GC: variants seen among roughly 807,000 people sequenced by gnomAD.
The protein encoded by GC is GC vitamin D binding protein, also known as vitamin D-binding protein.
GC carries 43 observed loss-of-function variants against 56.7 expected under a neutral mutation model. The observed-to-expected ratio is 0.76, with a 90% CI of 0.59 to 0.98. The LOEUF is 0.98. Ranked by LOEUF, GC falls within the 50% of genes least tolerant of loss-of-function variation. The pLI, the probability that GC is intolerant of heterozygous loss-of-function variation, is 0.00. For missense variants in GC, 529 were observed against 545.9 expected, an observed-to-expected ratio of 0.97 and a Z score of 0.31; for synonymous variants, 216 against 202.7, an observed-to-expected ratio of 1.07 and a Z score of -0.56.
chr4:71,753,357 G>C (rs1001729387), intron 10 of GC, among the ~76,000 whole-genome samples: 2 of 152,002 alleles, frequency 1.3e-5, no homozygotes, highest in Admixed American at 1.3e-4. Flanking sequence ...GTTGGGCTTG[G>C]CAAGAGTGGA....
intron 12 of GC, 138 bp from the exon 13 acceptor site, chr4:71,742,008 A>G: frequency 1.5e-6 from 1 of 655,792 alleles, no homozygotes; most frequent in East Asian, 2.7e-5. Flanking sequence ...AGGATGACCC[A>G]TATATCCACT....
At chr4:71,764,008 T>A in intron 4 of GC, 72 bp from the exon 5 acceptor site, 1 of 1,153,452 alleles carries the variant, frequency 8.7e-7, no homozygotes, top group Non-Finnish European at 1.3e-6. Flanking sequence ...TTTGAGACAG[T>A]GTCTTGCCCT....
intron 1 of GC, among the ~76,000 whole-genome samples, chr4:71,792,738 G>A (rs1440775685): frequency 6.6e-6 from 1 of 152,106 alleles, no homozygotes; most frequent in African/African-American, 2.4e-5. Flanking sequence ...CCTTGCCCAT[G>A]CCTATGGTCT....
intron 3 of GC, among the ~76,000 whole-genome samples, chr4:71,767,257 C>A (rs903444434): frequency 3.3e-5 from 5 of 152,134 alleles, no homozygotes; most frequent in African/African-American, 9.7e-5. Flanking sequence ...AACAGTGAGA[C>A]AAATCTGTCT....
At chr4:71,755,829 T>C (rs553747111) in intron 8 of GC, among the ~76,000 whole-genome samples, 1 of 152,340 alleles carries the variant, frequency 6.6e-6, no homozygotes, top group East Asian at 1.9e-4. Flanking sequence ...ACCCCACTGC[T>C]GTCTATGCAC....
intron 2 of GC, among the ~76,000 whole-genome samples, chr4:71,768,879 T>C (rs985467218): frequency 3.3e-5 from 5 of 152,222 alleles, no homozygotes; most frequent in Admixed American, 6.5e-5. Context: ...AAAATGAGGT[T>C]TAATTTAAAA....
At chr4:71,783,929 C>T (rs1742764328) in intron 1 of GC, 32 bp downstream of exon 1, 1 of 1,521,952 alleles carries the variant, frequency 6.6e-7, no homozygotes, top group African/African-American at 1.4e-5. Context: ...AGTAAGAATT[C>T]CTGTAAATGG....
At chr4:71,792,512 T>A (rs371893734) in intron 1 of GC, among the ~76,000 whole-genome samples, 3 of 151,892 alleles carry the variant, frequency 2.0e-5, no homozygotes, top group East Asian at 3.9e-4. Context: ...GGGCTCTTTG[T>A]TTTTTTTCTT....
At chr4:71,775,007 T>C (rs1213081684) in intron 1 of GC, among the ~76,000 whole-genome samples, 1 of 149,406 alleles carries the variant, frequency 6.7e-6, no homozygotes, top group African/African-American at 2.5e-5. Flanking sequence ...AAAGTCATTC[T>C]TATTCTTCAT....
At chr4:71,755,176 T>TTATTTATG (rs1197877821) in intron 8 of GC, 69 bp from the exon 9 acceptor site, 2 of 781,102 alleles carry the variant, frequency 2.6e-6, no homozygotes, top group African/African-American at 3.7e-5. Context: ...ATTTATTTAT[T>TTATTTATG]TTTTGTGACA....
At chr4:71,750,852 T>G (rs916571711) in intron 11 of GC, among the ~76,000 whole-genome samples, 1 of 151,896 alleles carries the variant, frequency 6.6e-6, no homozygotes, top group Non-Finnish European at 1.5e-5. Flanking sequence ...ACCACTGCAC[T>G]CCAGCCTGGG....
intron 8 of GC, among the ~76,000 whole-genome samples, chr4:71,755,648 T>C (rs866697176): frequency 6.6e-6 from 1 of 152,188 alleles, no homozygotes; most frequent in South Asian, 2.1e-4. Context: ...ATTAAAGCTT[T>C]GCATGTAATA....
Position 71,757,681 on chromosome 4 carries a change from T to A in GC, c.831+361A>T, listed in dbSNP as rs944084479. Among the ~76,000 whole-genome samples, 8 of 152,324 alleles carry A rather than the reference T, an allele frequency of 5.3e-5. 1 individual carries two copies. The highest frequency in any genetic ancestry group is 4.1e-4 in the South Asian group (2 of 4,820). ...TTAGTGTAACTGAAGAACTGAATTT[T>A]AAATCATATTCAACTTAAACATATA... On this transcript the variant is annotated intron_variant, in intron 7 of 12. Transcript: ENST00000273951.
chr4:71,764,689 A>G (rs1198947309), intron 4 of GC, among the ~76,000 whole-genome samples: 1 of 152,158 alleles, frequency 6.6e-6, no homozygotes, highest in East Asian at 1.9e-4. Flanking sequence ...GTCCTTATGG[A>G]TCTAAAAGGG....
chr4:71,752,310 T>A (rs1741581546), intron 11 of GC, among the ~76,000 whole-genome samples: 1 of 152,244 alleles, frequency 6.6e-6, no homozygotes, highest in Admixed American at 6.5e-5. Context: ...TCCTAAGTTT[T>A]ACAACTACCT....
intron 1 of GC, among the ~76,000 whole-genome samples, chr4:71,799,831 T>G (rs1743207431): frequency 6.6e-6 from 1 of 152,160 alleles, no homozygotes; most frequent in Non-Finnish European, 1.5e-5. Context: ...ATTGGAGATG[T>G]AGTCTAAGCC....
chr4:71,742,479 T>C (rs1240781158), intron 12 of GC, among the ~76,000 whole-genome samples: 1 of 152,178 alleles, frequency 6.6e-6, no homozygotes, highest in East Asian at 1.9e-4. Context: ...ACGAATCTGT[T>C]CCCTCACAGC....
chr4:71,797,445 A>G (rs1743133458), intron 1 of GC, among the ~76,000 whole-genome samples: 1 of 152,236 alleles, frequency 6.6e-6, no homozygotes, highest in Non-Finnish European at 1.5e-5. Context: ...TCAATCTCAG[A>G]CTGCTGCGCT....
At chr4:71,790,053 GTTA>G (rs1742931868) in intron 1 of GC, among the ~76,000 whole-genome samples, 1 of 151,924 alleles carries the variant, frequency 6.6e-6, no homozygotes, top group Admixed American at 6.6e-5. Flanking sequence ...TTGAAGCTCT[GTTA>G]TTATACACAT....
Sources: gnomAD v4.1 joint callset for allele counts (sites outside exome capture counted in the v4.1 genomes callset) on GRCh38, gnomAD v4.1.1 for gene constraint, MANE v1.5 for transcripts, NCBI Gene and HGNC (gene_info 2026-07-23, HGNC 2026-07-21) for gene names.